Variants in MROH9 observed in about 807,000 individuals in gnomAD.
MROH9 encodes the protein maestro heat like repeat family member 9, also known as maestro heat-like repeat-containing protein family member 9.
In MROH9, 92 loss-of-function variants were observed where a neutral mutation model predicts 98.2. The ratio of observed to expected loss-of-function variants is 0.94; its 90% CI spans 0.79 to 1.11. The LOEUF is 1.11. Among genes scored for constraint, MROH9 ranks in the 50% most tolerant of loss-of-function variants. The pLI is 0.00. For synonymous variants in MROH9, 397 were observed against 368.9 expected (o/e 1.08, Z -0.87); for missense variants, 1,057 against 1,014.8 (o/e 1.04, Z -0.57).
At chr1:171,008,566 A>T (rs1041682864) in intron 15 of MROH9, among the ~76,000 whole-genome samples, 2 of 152,230 alleles carry the variant, frequency 1.3e-5, no homozygotes, top group South Asian at 4.1e-4. Context: ...AGTTAAAATC[A>T]TCTGCTGTGA....
At chr1:171,027,282 C>T (rs938627085) in intron 20 of MROH9, among the ~76,000 whole-genome samples, 3 of 152,122 alleles carry the variant, frequency 2.0e-5, no homozygotes, top group Non-Finnish European at 4.4e-5. Flanking sequence ...TCAACTCCCA[C>T]TTATGAGTGA....
intron 11 of MROH9, 46 bp from the exon 12 acceptor site, chr1:170,992,118 A>G: frequency 1.3e-6 from 2 of 1,533,142 alleles, no homozygotes; most frequent in Non-Finnish European, 1.8e-6. Context: ...CAAGTAGGAC[A>G]TGACAAACAT....
chr1:170,954,425 A>G (rs1013261497), intron 3 of MROH9, among the ~76,000 whole-genome samples: 1 of 152,104 alleles, frequency 6.6e-6, no homozygotes, highest in Admixed American at 6.6e-5. Context: ...GGTTGATTCC[A>G]TATCTTGACT....
intron 12 of MROH9, among the ~76,000 whole-genome samples, chr1:170,993,438 G>C (rs1311178281): frequency 6.6e-6 from 1 of 152,154 alleles, no homozygotes; most frequent in Non-Finnish European, 1.5e-5. Context: ...TGACTGGTTT[G>C]AAATTAATTG....
intron 20 of MROH9, among the ~76,000 whole-genome samples, chr1:171,054,100 G>C (rs980953999): frequency 6.6e-6 from 1 of 152,118 alleles, no homozygotes; most frequent in Non-Finnish European, 1.5e-5. Context: ...AAATTAATCT[G>C]TTTAGCAAGT....
chr1:170,988,161 A>C (rs1365041354), intron 10 of MROH9, among the ~76,000 whole-genome samples: 3 of 152,218 alleles, frequency 2.0e-5, no homozygotes, highest in Admixed American at 1.3e-4. Context: ...CCTTCTCAGC[A>C]TGGAGCCCTG....
intron 8 of MROH9, among the ~76,000 whole-genome samples, chr1:170,978,532 T>C (rs1440029016): frequency 1.3e-5 from 2 of 151,988 alleles, no homozygotes; most frequent in Non-Finnish European, 2.9e-5. Flanking sequence ...CCTTTTCCTT[T>C]TGTGGCTGGA....
intron 20 of MROH9, among the ~76,000 whole-genome samples, chr1:171,046,218 CA>C (rs1254424669): frequency 6.6e-6 from 1 of 152,110 alleles, no homozygotes; most frequent in Non-Finnish European, 1.5e-5. Flanking sequence ...GTAGACTGAA[CA>C]GATCAATTAA....
chr1:170,970,745 AGAG>A (rs1557878790), intron 7 of MROH9, among the ~76,000 whole-genome samples: 12 of 132,672 alleles, frequency 9.0e-5, no homozygotes, highest in Non-Finnish European at 2.1e-4. Context: ...AGAGAGAGAG[AGAG>A]AGAGAGAGAG....
chr1:170,942,217 G>A (rs1214287072), intron 1 of MROH9, among the ~76,000 whole-genome samples: 1 of 151,930 alleles, frequency 6.6e-6, no homozygotes, highest in Non-Finnish European at 1.5e-5. Flanking sequence ...TTTCTACCTT[G>A]ACTTTAGGGG....
At chr1:171,010,552 CA>C (rs1356663863) in intron 15 of MROH9, among the ~76,000 whole-genome samples, 27 of 152,318 alleles carry the variant, frequency 1.8e-4, no homozygotes, top group Middle Eastern at 3.4e-3. Context: ...CTCCCACCAA[CA>C]GTGTAAAAGG....
At chr1:171,014,061 GA>G (rs1194058387) in intron 15 of MROH9, 55 bp from the exon 16 acceptor site, 14 of 1,413,680 alleles carry the variant, frequency 9.9e-6, no homozygotes, top group Non-Finnish European at 1.3e-5. Flanking sequence ...TTTTATGACA[GA>G]AATCGTGCAG....
intron 1 of MROH9, among the ~76,000 whole-genome samples, chr1:170,937,515 ATTTTTTTTTT>A (rs71125282): frequency 8.8e-6 from 1 of 113,554 alleles, no homozygotes; most frequent in African/African-American, 3.5e-5. Flanking sequence ...CATAATCAGT[ATTTTTTTTTT>A]TTTTTTTTTT....
Position 170,986,555 on chromosome 1 carries a change from T to G in MROH9, c.730-6T>G, listed in dbSNP as rs1651139513. The G allele has an allele frequency of 1.9e-6, 3 of 1,611,998 alleles. No homozygotes were observed. The highest frequency in any genetic ancestry group is 2.5e-6 in the Non-Finnish European group (3 of 1,178,898). On this transcript the variant is annotated splice_region_variant and splice_polypyrimidine_tract_variant and intron_variant, in intron 9 of 21. Transcript: ENST00000367759. The stretch of plus-strand genomic sequence containing the variant: ...CTGAGGTCATGATTATCCTTTGTGG[T>G]TGCAGAGAGTAGGGCAAACCTTACT...
rs551055012 is a variant in MROH9, at chr1:171,019,146, T to C, written c.1908+2810T>C. 2.0e-5 allele frequency among the ~76,000 whole-genome samples: 3 copies of C among 152,296 alleles called. No homozygotes were observed. In the South Asian group the frequency reaches 6.2e-4, roughly 32 times the overall value. The stretch of plus-strand genomic sequence containing the variant: ...AAACACAGTGCAATCACATTAGAGC[T>C]CAGGATTAAGAAACTCACTCAAAAG... On this transcript the variant is annotated intron_variant, in intron 17 of 21. Coordinates refer to ENST00000367759, the MANE Select transcript of MROH9 (RefSeq NM_001163629.2).
chr1:170,986,295 T>C (rs1312929696), intron 9 of MROH9, among the ~76,000 whole-genome samples: 3 of 152,164 alleles, frequency 2.0e-5, no homozygotes, highest in African/African-American at 7.2e-5. Context: ...CATGATAATA[T>C]TTGAACAGCT....
At chr1:170,936,950 T>A (rs1192848446) in intron 1 of MROH9, among the ~76,000 whole-genome samples, 2 of 152,184 alleles carry the variant, frequency 1.3e-5, no homozygotes, top group Non-Finnish European at 2.9e-5. Flanking sequence ...CATTACATCA[T>A]TTCTTACTTT....
intron 20 of MROH9, among the ~76,000 whole-genome samples, chr1:171,050,594 AAC>A (rs1653631809): frequency 6.7e-6 from 1 of 148,868 alleles, no homozygotes; most frequent in Non-Finnish European, 1.5e-5. Flanking sequence ...TTCTGCATGT[AAC>A]ATCATATCAT....
At chr1:171,025,763 C>T (rs1474050557) in intron 20 of MROH9, among the ~76,000 whole-genome samples, 1 of 152,084 alleles carries the variant, frequency 6.6e-6, no homozygotes, top group Non-Finnish European at 1.5e-5. Context: ...ACATCATCTT[C>T]GACCAAACTT....
Sources: allele counts gnomAD v4.1 joint callset (sites outside exome capture counted in the v4.1 genomes callset), GRCh38; gene constraint gnomAD v4.1.1; transcripts MANE v1.5; gene names NCBI Gene and HGNC (gene_info 2026-07-23, HGNC 2026-07-21).